SOX5: variants seen among roughly 807,000 people sequenced by gnomAD.
SOX5 encodes the protein SRY-box transcription factor 5.
SOX5 carries 9 observed loss-of-function variants against 92.0 expected under a neutral mutation model. That is an observed-to-expected ratio of 0.10 (90% confidence interval 0.06 to 0.17). The LOEUF (loss-of-function observed/expected upper bound fraction) is 0.17. Among genes scored for constraint, SOX5 ranks in the 10% least tolerant of loss-of-function variants. The pLI is 1.00. For synonymous variants in SOX5, 344 were observed against 336.3 expected (o/e 1.02, Z -0.25); for missense variants, 642 against 944.5 (o/e 0.68, Z 4.20).
At chr12:24,026,212 G>A (rs994782390) in intron 4 of SOX5, among the ~76,000 whole-genome samples, 5 of 152,072 alleles carry the variant, frequency 3.3e-5, no homozygotes, top group Non-Finnish European at 7.4e-5. Context: ...CCACGGGAGT[G>A]AAGGTTCCAG....
intron 3 of SOX5, among the ~76,000 whole-genome samples, chr12:23,798,429 T>A (rs1214943363): frequency 6.6e-6 from 1 of 152,016 alleles, no homozygotes; most frequent in Non-Finnish European, 1.5e-5. Context: ...ACATGGCAAG[T>A]CTTAAGTTTG....
At chr12:24,247,106 T>C (rs1210814530) in intron 3 of SOX5, among the ~76,000 whole-genome samples, 1 of 152,184 alleles carries the variant, frequency 6.6e-6, no homozygotes, top group African/African-American at 2.4e-5. Flanking sequence ...GGGGCATTCA[T>C]TCACACGAAA....
chr12:23,561,666 A>G (rs557815944), intron 11 of SOX5, among the ~76,000 whole-genome samples: 2 of 152,252 alleles, frequency 1.3e-5, no homozygotes, highest in Admixed American at 1.3e-4. Flanking sequence ...CCCTGATCCA[A>G]CCACAAGGCC....
intron 4 of SOX5, among the ~76,000 whole-genome samples, chr12:24,026,237 T>C (rs1238131473): frequency 2.0e-5 from 3 of 152,050 alleles, no homozygotes; most frequent in Non-Finnish European, 4.4e-5. Flanking sequence ...CTTTACTTCC[T>C]GGACTACAGA....
intron 4 of SOX5, among the ~76,000 whole-genome samples, chr12:24,048,917 G>A (rs1361996062): frequency 6.6e-6 from 1 of 152,120 alleles, no homozygotes; most frequent in Non-Finnish European, 1.5e-5. Flanking sequence ...TTGTGGTGAT[G>A]AAAATGTTTT....
chr12:24,053,689 TACTC>T (rs1173758723), intron 4 of SOX5, among the ~76,000 whole-genome samples: 1 of 152,222 alleles, frequency 6.6e-6, no homozygotes, highest in Non-Finnish European at 1.5e-5. Context: ...GGCTGCAACT[TACTC>T]TCTTCAAATT....
At chr12:23,561,683 G>T (rs1946225147) in intron 11 of SOX5, among the ~76,000 whole-genome samples, 1 of 152,024 alleles carries the variant, frequency 6.6e-6, no homozygotes, top group African/African-American at 2.4e-5. Flanking sequence ...GGCCTGCTTT[G>T]CAAGTATATA....
At chr12:23,540,581 G>A (rs903049253) in intron 13 of SOX5, among the ~76,000 whole-genome samples, 2 of 152,050 alleles carry the variant, frequency 1.3e-5, no homozygotes, top group African/African-American at 2.4e-5. Flanking sequence ...TGTCATCTCC[G>A]TGGGGTCTGT....
chr12:23,542,533 T>C (rs1174627019), intron 13 of SOX5, among the ~76,000 whole-genome samples: 2 of 152,240 alleles, frequency 1.3e-5, no homozygotes, highest in African/African-American at 4.8e-5. Context: ...TCCTGTGTGC[T>C]ACAGTCTCTG....
intron 3 of SOX5, among the ~76,000 whole-genome samples, chr12:23,815,664 C>T (rs1314804384): frequency 1.3e-5 from 2 of 152,150 alleles, no homozygotes; most frequent in African/African-American, 4.8e-5. Flanking sequence ...CCTCCTAGGT[C>T]TTCATAATTC....
intron 14 of SOX5, among the ~76,000 whole-genome samples, 182 bp from the exon 15 acceptor site, chr12:23,534,704 C>CTTTTTTTTTTTTTTTT (rs60460683): frequency 9.2e-6 from 1 of 108,830 alleles, no homozygotes; most frequent in African/African-American, 3.4e-5. Flanking sequence ...CTTTTCTTTT[C>CTTTTTTTTTTTTTTTT]TTTTTTTTTT....
intron 3 of SOX5, among the ~76,000 whole-genome samples, chr12:23,804,250 T>A (rs139745867): frequency 6.6e-6 from 1 of 152,154 alleles, no homozygotes; most frequent in South Asian, 2.1e-4. Flanking sequence ...GGCTGCATCA[T>A]ATTAACGTGA....
At chr12:23,779,839 AT>A (rs1217821164) in intron 3 of SOX5, among the ~76,000 whole-genome samples, 1 of 121,094 alleles carries the variant, frequency 8.3e-6, no homozygotes, top group Non-Finnish European at 2.0e-5. Context: ...ACACACACAC[AT>A]ATGCATACAT....
At chr12:23,687,047 G>T (rs763260910) in intron 6 of SOX5, among the ~76,000 whole-genome samples, 2 of 151,968 alleles carry the variant, frequency 1.3e-5, no homozygotes, top group Admixed American at 6.6e-5. Flanking sequence ...TTGGCATAGG[G>T]TTTATGTTAA....
chr12:23,943,273 C>A (rs567074687), intron 1 of SOX5, among the ~76,000 whole-genome samples: 110 of 151,938 alleles, frequency 7.2e-4, no homozygotes, highest in African/African-American at 2.7e-3. Flanking sequence ...AAAAAAAAAT[C>A]TCTTTAACTT....
chr12:23,888,437 T>A (rs1048950357), intron 2 of SOX5, among the ~76,000 whole-genome samples: 3 of 151,882 alleles, frequency 2.0e-5, no homozygotes, highest in African/African-American at 7.3e-5. Flanking sequence ...TGTGAGAGAA[T>A]ACTCATTAAT....
At chr12:24,507,452 A>G (rs1487680802) in intron 1 of SOX5, among the ~76,000 whole-genome samples, 1 of 152,040 alleles carries the variant, frequency 6.6e-6, no homozygotes, top group African/African-American at 2.4e-5. Context: ...ACTCTATATG[A>G]CAACTGACCT....
At chr12:24,526,693 C>G (rs1480493573) in intron 1 of SOX5, among the ~76,000 whole-genome samples, 2 of 152,198 alleles carry the variant, frequency 1.3e-5, no homozygotes, top group African/African-American at 4.8e-5. Context: ...TACTCCTTCT[C>G]TTGAGAATGC....
rs1024937595 is a variant in SOX5 at position 24,046,095 on chromosome 12, A to G, written c.-1-150071T>C. Reference sequence around the variant, plus strand: ...ATTTATTTTATCTGGCTTGAACTACATTGTTCCTTCCTGACTACTGGTGTT... The same window carrying G: ...ATTTATTTTATCTGGCTTGAACTACGTTGTTCCTTCCTGACTACTGGTGTT... On this transcript the variant is annotated intron_variant, in intron 4 of 4. Coordinates refer to the SOX5 transcript ENST00000446891. Among the ~76,000 whole-genome samples the G allele has an allele frequency of 9.8e-5, 15 of 152,288 alleles. No individual in the cohort carries two copies. The South Asian group carries it at 3.1e-3, about 32-fold the overall frequency.
Sources: allele counts gnomAD v4.1 joint callset (sites outside exome capture counted in the v4.1 genomes callset), GRCh38; gene constraint gnomAD v4.1.1; transcripts MANE v1.5; gene names NCBI Gene and HGNC (gene_info 2026-07-23, HGNC 2026-07-21).